The following AMDHD1 variants were observed in gnomAD, a reference collection of about 807,000 sequenced individuals.
AMDHD1 encodes amidohydrolase domain containing 1, also known as probable imidazolonepropionase.
Under a neutral mutation model 44.1 loss-of-function variants are expected in AMDHD1, and 45 were observed. The observed-to-expected ratio is 1.02, with a 90% CI of 0.80 to 1.31. AMDHD1 has a LOEUF of 1.31. Ranked by LOEUF, AMDHD1 falls within the 50% of genes most tolerant of loss-of-function variation. The pLI, the probability that AMDHD1 is intolerant of heterozygous loss-of-function variation, is 0.00. For synonymous variants in AMDHD1, 206 were observed against 205.0 expected, an observed-to-expected ratio of 1.00 and a Z score of -0.04; for missense variants, 586 against 552.1, an observed-to-expected ratio of 1.06 and a Z score of -0.61.
rs1481810391 is a variant in AMDHD1, at chr12:95,948,591, G to A, written c.138-4126G>A. On this transcript the variant is annotated intron_variant, in intron 1 of 8. Coordinates refer to ENST00000266736, the MANE Select transcript of AMDHD1 (RefSeq NM_152435.3). ...GCCAGCCGACCCGTCCGGGAGGTGA[G>A]GGGCGCCTCTGCCCAGCCACCACCC... is the stretch of plus-strand genomic sequence containing the variant. Among the ~76,000 whole-genome samples, 2 of 83,484 alleles carry A rather than the reference G, an allele frequency of 2.4e-5. 1 individual carries two copies. The highest frequency in any genetic ancestry group is 4.7e-5 in the Non-Finnish European group (2 of 42,582). The allele number at this position is 83,484 out of a possible 152,430, so 54.8% of individuals were successfully genotyped here.
In AMDHD1 at chr12:95,968,481, C is replaced by T. The variant is rs1042466588; in HGVS notation, c.*638C>T. 5 of 152,090 alleles carry T rather than the reference C, an allele frequency of 3.3e-5. No homozygotes were observed. The highest frequency in any genetic ancestry group is 1.2e-4 in the African/African-American group (5 of 41,414). The allele number at this position is 152,090 out of a possible 1,614,324, so 9.4% of individuals were successfully genotyped here. A position where few individuals can be genotyped will look rare whatever the true frequency, so the allele number is the denominator to read the frequency against. On this transcript the variant is annotated 3_prime_UTR_variant, in exon 9 of 9. Coordinates refer to ENST00000266736, the MANE Select transcript of AMDHD1 (RefSeq NM_152435.3). ...CTTCCTGAAATGGGTGCATTTTTACCAACTACAATCATGTAATTTTTTTGG... is the reference window on the plus strand; with the variant it reads ...CTTCCTGAAATGGGTGCATTTTTACTAACTACAATCATGTAATTTTTTTGG...
At chr12:95,958,849 A>G (rs2080565632) in intron 4 of AMDHD1, among the ~76,000 whole-genome samples, 1 of 152,178 alleles carries the variant, frequency 6.6e-6, no homozygotes, top group South Asian at 2.1e-4. Flanking sequence ...TGAGGTCAGA[A>G]GTTTGAGACC....
At chr12:95,952,613 T>G in intron 1 of AMDHD1, 104 bp from the exon 2 acceptor site, 1 of 734,542 alleles carries the variant, frequency 1.4e-6, no homozygotes, top group South Asian at 1.8e-5. Context: ...CAGTAAATGT[T>G]GACTAATTAA....
At chr12:95,943,624 C>A in intron 1 of AMDHD1, 89 bp downstream of exon 1, 1 of 1,361,168 alleles carries the variant, frequency 7.3e-7, no homozygotes, top group Non-Finnish European at 9.4e-7. Flanking sequence ...GAAACAACGC[C>A]GTGAAAGCGT....
At position 95,965,767 on chromosome 12, in the gene AMDHD1, T is replaced by C. The variant is rs976192345; in HGVS notation, c.1020T>C (p.Tyr340=). 1 of 1,607,628 alleles carries C rather than the reference T, an allele frequency of 6.2e-7. No homozygotes were observed. Among genetic ancestry groups the C allele is most frequent in the African/African-American group, 1.3e-5 (1 of 74,764 alleles). Reference sequence around the variant, plus strand: ...GAAGTGATTTCAACCCCAATGCATATTGCTTTTCAATGGTAATTATTTTTT... The same window carrying C: ...GAAGTGATTTCAACCCCAATGCATACTGCTTTTCAATGGTAATTATTTTTT... The part of the protein sequence containing the change: ...ALGSDFNPNA[Y]CFSMPMVMHL... Residue 340 remains tyrosine, a synonymous_variant, in exon 7 of 9, where the codon TAT becomes TAC. Coordinates refer to ENST00000266736, the MANE Select transcript of AMDHD1 (RefSeq NM_152435.3).
Position 95,967,895 on chromosome 12 carries a change from T to C in AMDHD1, c.*52T>C. ...ACTATATGAAATAAGTCAATATAGT[T>C]ATATTAAAAGTTAAAACACCTTAAT... On this transcript the variant is annotated 3_prime_UTR_variant, in exon 9 of 9. Coordinates refer to ENST00000266736, the MANE Select transcript of AMDHD1 (RefSeq NM_152435.3). 8.2e-7 allele frequency: 1 copy of C among 1,219,376 alleles called. No individual in the cohort carries two copies. The highest frequency in any genetic ancestry group is 1.1e-6 in the Non-Finnish European group (1 of 869,714). The allele number at this position is 1,219,376 out of a possible 1,614,324, so 75.5% of individuals were successfully genotyped here. A position where few individuals can be genotyped will look rare whatever the true frequency, so the allele number is the denominator to read the frequency against.
chr12:95,952,740 G>A lies in AMDHD1; in HGVS notation c.161G>A (p.Gly54Asp), dbSNP rs982821013. 1 of 1,611,296 alleles carries A rather than the reference G, an allele frequency of 6.2e-7. No homozygotes were observed. Among genetic ancestry groups the A allele is most frequent in the South Asian group, 1.1e-5 (1 of 90,940 alleles). ...VGKDGFIKAI[G>D]PADVIQRQFS... ...AGAGATGGATTTATAAAAGCTATTG[G>A]TCCTGCTGATGTTATTCAAAGACAG... The change falls in exon 2 of 9, where the codon GGT (glycine) becomes GAT (aspartate). Residue 54 changes from glycine (G) to aspartate (D), a missense_variant. Gly to Asp is a moderately conservative substitution (Grantham distance 94, BLOSUM62 -1). Transcript: ENST00000266736.
chr12:95,948,036 T>G (rs1303531277), intron 1 of AMDHD1, among the ~76,000 whole-genome samples: 1 of 48,140 alleles, frequency 2.1e-5, no homozygotes, highest in Non-Finnish European at 3.8e-5. Flanking sequence ...GGGAGGGAGG[T>G]GGGGGGGTCA....
intron 4 of AMDHD1, among the ~76,000 whole-genome samples, chr12:95,959,515 C>G (rs867408527): frequency 3.7e-4 from 56 of 151,740 alleles, no homozygotes; most frequent in African/African-American, 1.3e-3. Context: ...CTCAAGCAAT[C>G]CTTTTGCCTC....
chr12:95,954,908 T>C lies in AMDHD1; in HGVS notation c.245-3T>C, dbSNP rs2136763616. ...GTAAGATAACTTGATTTATTGATTA[T>C]AGGTTTGGTGGATGCACACACACAT... On this transcript the variant is annotated splice_polypyrimidine_tract_variant and splice_region_variant and intron_variant, in intron 2 of 8. Transcript: ENST00000266736. 1 of 1,614,048 alleles carries C rather than the reference T, an allele frequency of 6.2e-7. No individual in the cohort carries two copies. The highest frequency in any genetic ancestry group is 8.5e-7 in the Non-Finnish European group (1 of 1,179,918).
At chr12:95,957,052 A>C in intron 4 of AMDHD1, 90 bp downstream of exon 4, 1 of 1,536,064 alleles carries the variant, frequency 6.5e-7, no homozygotes, top group Non-Finnish European at 8.9e-7. Context: ...TAGCTCTTGC[A>C]GGGAGATGGA....
chr12:95,958,133 T>C (rs2080562155), intron 4 of AMDHD1, among the ~76,000 whole-genome samples: 3 of 152,106 alleles, frequency 2.0e-5, no homozygotes. Flanking sequence ...ATGTATACCT[T>C]GTGAAATGGC....
intron 2 of AMDHD1, among the ~76,000 whole-genome samples, chr12:95,953,274 A>G (rs1053657751): frequency 6.6e-6 from 1 of 152,232 alleles, no homozygotes; most frequent in Non-Finnish European, 1.5e-5. Context: ...CTCTAATACT[A>G]GAAATACTCT....
chr12:95,943,673 TA>T (rs1477901219), intron 1 of AMDHD1, 138 bp downstream of exon 1: 43 of 1,216,002 alleles, frequency 3.5e-5, no homozygotes, highest in Non-Finnish European at 4.5e-5. Flanking sequence ...GCCTTTGGGG[TA>T]CCTGTTGCTA....
In AMDHD1 at chr12:95,962,338, C is replaced by T; in HGVS notation, c.814-17C>T. 6.2e-7 allele frequency: 1 copy of T among 1,607,238 alleles called. No homozygotes were observed. The highest frequency in any genetic ancestry group is 8.5e-7 in the Non-Finnish European group (1 of 1,176,128). ...TGCTATTTGTTAAATCTTTCCCTCT[C>T]TGCCCATTCTCCTTAGCTTGGGGCT... is the stretch of plus-strand genomic sequence containing the variant. On this transcript the variant is annotated splice_polypyrimidine_tract_variant and intron_variant, in intron 5 of 8. Transcript: ENST00000266736.
chr12:95,948,746 A>G (rs2080513028), intron 1 of AMDHD1, among the ~76,000 whole-genome samples: 1 of 60,372 alleles, frequency 1.7e-5, no homozygotes, highest in Non-Finnish European at 2.9e-5. Context: ...CTGTGTGGAA[A>G]GAAGTAGACA....
chr12:95,956,053 G>A (rs2080547642), intron 3 of AMDHD1, among the ~76,000 whole-genome samples: 1 of 152,052 alleles, frequency 6.6e-6, no homozygotes, highest in South Asian at 2.1e-4. Context: ...CACATTGCGG[G>A]TTGATTGACT....
chr12:95,966,984 G>A (rs2080614342), intron 8 of AMDHD1, among the ~76,000 whole-genome samples: 1 of 152,172 alleles, frequency 6.6e-6, no homozygotes, highest in Admixed American at 6.6e-5. Flanking sequence ...GGCCTCCAGT[G>A]TAATATTAGT....
chr12:95,947,923 C>T (rs2080505838), intron 1 of AMDHD1, among the ~76,000 whole-genome samples: 1 of 124,464 alleles, frequency 8.0e-6, no homozygotes, highest in Admixed American at 7.7e-5. Flanking sequence ...CCAGCCGCCC[C>T]ATCCGGGAGG....
Sources: allele counts gnomAD v4.1 joint callset (sites outside exome capture counted in the v4.1 genomes callset), GRCh38; gene constraint gnomAD v4.1.1; transcripts MANE v1.5; gene names NCBI Gene and HGNC (gene_info 2026-07-23, HGNC 2026-07-21).